The following KCTD19 variants were observed in gnomAD, a reference collection of about 807,000 sequenced individuals.
The protein encoded by KCTD19 is potassium channel tetramerization domain containing 19.
A neutral mutation model predicts 103.5 loss-of-function variants in KCTD19; 67 were observed. That is an observed-to-expected ratio of 0.65 (90% CI 0.53 to 0.79). The LOEUF (loss-of-function observed/expected upper bound fraction) is 0.79, where lower values mean the gene tolerates loss of function less well. KCTD19 is among the 30% of genes least tolerant of loss of function. The pLI is 0.00. For synonymous variants in KCTD19, 439 were observed against 452.2 expected (o/e 0.97, Z 0.37); for missense variants, 980 against 1,136.1 (o/e 0.86, Z 1.98).
At chr16:67,304,613 A>G in intron 2 of KCTD19, 42 bp from the exon 3 acceptor site, 1 of 1,541,938 alleles carries the variant, frequency 6.5e-7, no homozygotes, top group Non-Finnish European at 9.0e-7. Flanking sequence ...ATCTAAACCA[A>G]GTAACTATGT....
intron 10 of KCTD19, 34 bp from the exon 11 acceptor site, chr16:67,294,728 G>C (rs369454332): frequency 8.5e-5 from 124 of 1,466,148 alleles, no homozygotes; most frequent in Non-Finnish European, 1.1e-4. Context: ...TTAGTGAGTA[G>C]AGACTTCCAT....
At chr16:67,309,762 G>A (rs2036931036) in intron 2 of KCTD19, among the ~76,000 whole-genome samples, 1 of 152,210 alleles carries the variant, frequency 6.6e-6, no homozygotes, top group Non-Finnish European at 1.5e-5. Context: ...CTATTTGGAG[G>A]TGTTTGGTAC....
At chr16:67,324,585 T>C (rs1309634378) in intron 1 of KCTD19, among the ~76,000 whole-genome samples, 1 of 152,236 alleles carries the variant, frequency 6.6e-6, no homozygotes, top group Non-Finnish European at 1.5e-5. Flanking sequence ...TTTCTGTGTT[T>C]ATAAAATTGC....
Position 67,301,761 on chromosome 16 carries a change from A to AG in KCTD19, c.775+29dup, listed in dbSNP as rs769115984. On this transcript the variant is annotated intron_variant, in intron 5 of 15. Coordinates refer to ENST00000304372, the MANE Select transcript of KCTD19 (RefSeq NM_001100915.3). ...TTTCCAGGTCAAGCCAAGACTGTCGAGGGGGAGCCAAGGTTTCCTGGCGAC... is the reference window on the plus strand; with the variant it reads ...TTTCCAGGTCAAGCCAAGACTGTCGAGGGGGGAGCCAAGGTTTCCTGGCGAC... 1.9e-6 allele frequency: 3 copies of AG among 1,610,316 alleles called. No homozygotes were observed. In the African/African-American group the frequency reaches 4.0e-5, roughly 22 times the overall value.
At chr16:67,324,649 G>A (rs1374642416) in intron 1 of KCTD19, among the ~76,000 whole-genome samples, 1 of 152,156 alleles carries the variant, frequency 6.6e-6, no homozygotes, top group Non-Finnish European at 1.5e-5. Context: ...GATTACTTAA[G>A]AAAGGAAAAG....
chr16:67,322,653 C>G (rs180841419), intron 1 of KCTD19, among the ~76,000 whole-genome samples: 10 of 152,040 alleles, frequency 6.6e-5, no homozygotes, highest in Admixed American at 5.2e-4. Flanking sequence ...TTGGAGTAGG[C>G]AAAACTTTCT....
chr16:67,314,830 T>TAG lies in KCTD19; in HGVS notation c.300+5757_300+5758dup, dbSNP rs71145965. On this transcript the variant is annotated intron_variant, in intron 2 of 15. Coordinates refer to ENST00000304372, the MANE Select transcript of KCTD19 (RefSeq NM_001100915.3). ...ATATATATATATATATATATATATA[T>TAG]AGAGAGAGAGAGAGAGAGAGAGAGA... Among the ~76,000 whole-genome samples the TAG allele has an allele frequency of 4.7e-3, 157 of 33,646 alleles. 3 individuals are homozygous for TAG. Among genetic ancestry groups the TAG allele is most frequent in the African/African-American group, 5.8e-3 (27 of 4,694 alleles). The allele number at this position is 33,646 out of a possible 152,430, so 22.1% of individuals were successfully genotyped here.
Position 67,303,108 on chromosome 16 carries a change from C to CCGGGGGG in KCTD19, c.643+37_643+38insCCCCCCG. On this transcript the variant is annotated intron_variant, in intron 4 of 15. Transcript: ENST00000304372. This position sits in a 1 kb window ranked among gnomAD's most constrained non-coding sequence, Gnocchi z 4.3. ...ATGGGGAGGGGTGAATGGGCCCTAT[C>CCGGGGGG]AGCCCGCCCCCCACCCCACCCCGGA... 2 of 798,078 alleles carry CCGGGGGG rather than the reference C, an allele frequency of 2.5e-6. No homozygotes were observed. Among genetic ancestry groups the CCGGGGGG allele is most frequent in the Non-Finnish European group, 2.1e-6 (1 of 476,660 alleles). The allele number at this position is 798,078 out of a possible 1,614,324, so 49.4% of individuals were successfully genotyped here.
At position 67,304,665 on chromosome 16, in the gene KCTD19, T is replaced by G. The variant is rs934506797; in HGVS notation, c.301-94A>C. 27 of 1,162,390 alleles carry G rather than the reference T, an allele frequency of 2.3e-5. No individual in the cohort carries two copies. The South Asian group carries it at 2.6e-4, about 11-fold the overall frequency. 72.0% of individuals were successfully genotyped at this position (1,162,390 alleles called of 1,614,324 possible). Reference sequence around the variant, plus strand: ...AGATCAGGAAAAACAGTATGTGACTTACTTTTTTTTTTTTTTGAGACAGAG... The same window carrying G: ...AGATCAGGAAAAACAGTATGTGACTGACTTTTTTTTTTTTTTGAGACAGAG... On this transcript the variant is annotated intron_variant, in intron 2 of 15. Transcript: ENST00000304372.
chr16:67,295,636 T>C (rs1852326804), intron 8 of KCTD19: 1 of 432,538 alleles, frequency 2.3e-6, no homozygotes, highest in African/African-American at 2.0e-5. Context: ...CTCAAGGCAT[T>C]TGGAAGCCCA....
At chr16:67,296,845 A>C (rs2036770612) in intron 7 of KCTD19, among the ~76,000 whole-genome samples, 1 of 152,158 alleles carries the variant, frequency 6.6e-6, no homozygotes, top group South Asian at 2.1e-4. Flanking sequence ...ATATAACTAG[A>C]TTATATAACC....
At position 67,294,156 on chromosome 16, in the gene KCTD19, G is replaced by A; in HGVS notation, c.1606C>T (p.Pro536Ser). 1.9e-6 allele frequency: 3 copies of A among 1,602,946 alleles called. No homozygotes were observed. The highest frequency in any genetic ancestry group is 2.6e-6 in the Non-Finnish European group (3 of 1,170,664). ...TCACTGCAGTCTTCGAAGTCCACAG[G>A]CATGTAGGCTGTGGTCTGGGGAGGG... Reference protein sequence around the residue: ...RDTKETTAYMPVDFEDCSDRT... With the variant: ...RDTKETTAYMSVDFEDCSDRT... The change falls in exon 12 of 16, where the codon CCT (proline) becomes TCT (serine). Residue 536 changes from proline (P) to serine (S), a missense_variant. By Grantham distance (74) the Pro-to-Ser change is moderately conservative (BLOSUM62 -1). Coordinates refer to ENST00000304372, the MANE Select transcript of KCTD19 (RefSeq NM_001100915.3).
At chr16:67,308,494 C>T (rs1008309289) in intron 2 of KCTD19, among the ~76,000 whole-genome samples, 3 of 152,060 alleles carry the variant, frequency 2.0e-5, no homozygotes, top group Non-Finnish European at 4.4e-5. Context: ...CATTTCCCAT[C>T]ATTCTTTATG....
rs1185679516 is a variant in KCTD19 at position 67,320,815 on chromosome 16, G to A, written c.74C>T (p.Ser25Leu). The change falls in exon 2 of 16, where the codon TCA becomes TTA. Residue 25 changes from serine (S) to leucine (L), a missense_variant. Physicochemically the swap from Ser to Leu is moderately radical, Grantham distance 145. Coordinates refer to ENST00000304372, the MANE Select transcript of KCTD19 (RefSeq NM_001100915.3). The surrounding 1 kb of genome is among the most constrained non-coding windows in gnomAD (Gnocchi z 4.0). ...CTGAGAGAGTTTGCTTCTGGGAACT[G>A]AGAAATGCCAGCCCCCTACGTTGAA... ...FHFNVGGWHF[S>L]VPRSKLSQFP... The A allele has an allele frequency of 6.2e-7, 1 of 1,614,166 alleles. No homozygotes were observed. Among genetic ancestry groups the A allele is most frequent in the Non-Finnish European group, 8.5e-7 (1 of 1,180,020 alleles).
At chr16:67,298,436 G>A (rs1039350914) in intron 6 of KCTD19, among the ~76,000 whole-genome samples, 3 of 152,100 alleles carry the variant, frequency 2.0e-5, no homozygotes, top group Non-Finnish European at 4.4e-5. Context: ...CCGTGTTTCC[G>A]GTTCCAGGGC....
intron 5 of KCTD19, 43 bp from the exon 6 acceptor site, chr16:67,299,616 C>A: frequency 1.3e-6 from 2 of 1,564,238 alleles, no homozygotes; most frequent in South Asian, 1.1e-5. Flanking sequence ...CCCCCATGGT[C>A]ATAGCTGGAT....
Position 67,303,983 on chromosome 16 carries a change from A to C in KCTD19, c.451+438T>G, listed in dbSNP as rs1293474303. On this transcript the variant is annotated intron_variant, in intron 3 of 15. Transcript: ENST00000304372. The surrounding 1 kb of genome is among the most constrained non-coding windows in gnomAD (Gnocchi z 4.3). ...ACCAAACACAGTGATCCACAGACAA[A>C]ATAGATGCTTTTGACACTCCTGGAA... is the stretch of plus-strand genomic sequence containing the variant. Among the ~76,000 whole-genome samples the C allele has an allele frequency of 6.6e-6, 1 of 152,224 alleles. No homozygotes were observed.
At chr16:67,294,258 GACTTC>G (rs1402890963) in intron 11 of KCTD19, 87 bp from the exon 12 acceptor site, 1 of 1,340,690 alleles carries the variant, frequency 7.5e-7, no homozygotes, top group Non-Finnish European at 1.0e-6. Context: ...GGGCCTCCAA[GACTTC>G]ACTTGCTCTC....
intron 7 of KCTD19, among the ~76,000 whole-genome samples, chr16:67,296,823 T>G (rs1273940038): frequency 2.6e-5 from 4 of 152,100 alleles, no homozygotes; most frequent in Non-Finnish European, 4.4e-5. Context: ...AGCTCTGTAA[T>G]GAATGAAGGG....
Sources: allele counts gnomAD v4.1 joint callset (sites outside exome capture counted in the v4.1 genomes callset), GRCh38; gene constraint gnomAD v4.1.1; non-coding constraint Gnocchi (gnomAD v3.1); transcripts MANE v1.5; gene names NCBI Gene and HGNC (gene_info 2026-07-23, HGNC 2026-07-21).